SEMA6D: variants seen among roughly 807,000 people sequenced by gnomAD.
SEMA6D encodes the protein semaphorin-6D.
SEMA6D carries 35 observed loss-of-function variants against 106.6 expected under a neutral mutation model. The ratio of observed to expected loss-of-function variants is 0.33; its 90% confidence interval spans 0.25 to 0.44. SEMA6D has a LOEUF of 0.44. Among genes scored for constraint, SEMA6D ranks in the 20% least tolerant of loss-of-function variants. The pLI is 1.00. For missense variants in SEMA6D, 1,185 were observed against 1,345.9 expected, an observed-to-expected ratio of 0.88 and a Z score of 1.87; for synonymous variants, 499 against 487.7, an observed-to-expected ratio of 1.02 and a Z score of -0.31.
At chr15:47,575,303 A>G (rs1468752880) in intron 3 of SEMA6D, among the ~76,000 whole-genome samples, 2 of 152,152 alleles carry the variant, frequency 1.3e-5, no homozygotes, top group Admixed American at 6.5e-5. Context: ...TTAGGCAGGG[A>G]GGGGGTAGAA....
intron 1 of SEMA6D, among the ~76,000 whole-genome samples, chr15:47,357,553 G>A (rs1354980315): frequency 6.6e-6 from 1 of 152,146 alleles, no homozygotes; most frequent in African/African-American, 2.4e-5. Flanking sequence ...TTTGGAGTCT[G>A]ATGTTCGAGG....
At chr15:47,761,842 A>G in intron 7 of SEMA6D, 91 bp downstream of exon 7, 1 of 1,096,318 alleles carries the variant, frequency 9.1e-7, no homozygotes, top group Non-Finnish European at 1.3e-6. Context: ...AATAACTTGG[A>G]TACCCACCTT....
chr15:47,749,969 C>A (rs2081343582), intron 1 of SEMA6D, among the ~76,000 whole-genome samples: 1 of 152,012 alleles, frequency 6.6e-6, no homozygotes, highest in African/African-American at 2.4e-5. Flanking sequence ...AGATTAAATG[C>A]CTCAAGGAGA....
chr15:47,479,933 A>G (rs1015173952), intron 3 of SEMA6D, among the ~76,000 whole-genome samples: 2 of 147,950 alleles, frequency 1.4e-5, no homozygotes, highest in African/African-American at 5.1e-5. Flanking sequence ...CAGTGACGTA[A>G]TCATAGTTCA....
chr15:47,243,886 G>C (rs2033062250), intron 1 of SEMA6D, among the ~76,000 whole-genome samples: 1 of 152,062 alleles, frequency 6.6e-6, no homozygotes, highest in Non-Finnish European at 1.5e-5. Flanking sequence ...CATGTTCTAG[G>C]CTGCATTCTA....
chr15:47,258,931 C>G (rs1252300553), intron 1 of SEMA6D, among the ~76,000 whole-genome samples: 10 of 151,714 alleles, frequency 6.6e-5, no homozygotes, highest in Admixed American at 6.6e-4. Flanking sequence ...CTGTGTATTA[C>G]TTAACACTTT....
intron 4 of SEMA6D, among the ~76,000 whole-genome samples, chr15:47,683,616 T>G (rs2078406633): frequency 2.0e-5 from 3 of 152,218 alleles, no homozygotes; most frequent in African/African-American, 7.2e-5. Context: ...TGTCTGCATT[T>G]TTTTAGAAAA....
intron 3 of SEMA6D, among the ~76,000 whole-genome samples, chr15:47,499,579 A>C (rs1264276506): frequency 1.3e-5 from 2 of 152,158 alleles, no homozygotes; most frequent in African/African-American, 4.8e-5. Flanking sequence ...TGCTTTCAGA[A>C]CAGACTTAAG....
intron 4 of SEMA6D, among the ~76,000 whole-genome samples, chr15:47,684,912 AT>A (rs2078437488): frequency 6.6e-6 from 1 of 152,234 alleles, no homozygotes; most frequent in Non-Finnish European, 1.5e-5. Context: ...TCAATGCCAA[AT>A]ACCAGAGACC....
chr15:47,454,517 G>A (rs570270210), intron 2 of SEMA6D, among the ~76,000 whole-genome samples: 1 of 151,700 alleles, frequency 6.6e-6, no homozygotes, highest in Non-Finnish European at 1.5e-5. Context: ...CTTGAGATGG[G>A]CACTGGAGGT....
chr15:47,379,892 G>A (rs1445442730), intron 1 of SEMA6D, among the ~76,000 whole-genome samples: 1 of 152,028 alleles, frequency 6.6e-6, no homozygotes, highest in Non-Finnish European at 1.5e-5. Context: ...CAAGTAGCTG[G>A]GACTACAGGC....
intron 1 of SEMA6D, among the ~76,000 whole-genome samples, chr15:47,303,791 C>T (rs2036115655): frequency 6.6e-6 from 1 of 152,110 alleles, no homozygotes; most frequent in Admixed American, 6.6e-5. Context: ...TTGATCATGG[C>T]ACTATTTCTT....
intron 17 of SEMA6D, 107 bp from the exon 18 acceptor site, chr15:47,768,474 C>A: frequency 1.0e-6 from 1 of 983,454 alleles, no homozygotes; most frequent in Non-Finnish European, 1.4e-6. Context: ...AATCCTAGAG[C>A]AAACTTTCTC....
At chr15:47,520,283 G>A (rs2141919687) in intron 3 of SEMA6D, among the ~76,000 whole-genome samples, 1 of 152,346 alleles carries the variant, frequency 6.6e-6, no homozygotes, top group East Asian at 1.9e-4. Flanking sequence ...AATCGTAATT[G>A]TAAAGGAGTG....
chr15:47,246,523 C>A (rs976989460), intron 1 of SEMA6D, among the ~76,000 whole-genome samples: 3 of 152,186 alleles, frequency 2.0e-5, no homozygotes, highest in Non-Finnish European at 4.4e-5. Flanking sequence ...AGGGGAGAAT[C>A]CATTTCCTTG....
rs1566882617 is a variant in SEMA6D, at chr15:47,552,835, T to TATATATAAATATATATAAATAC, written c.-86-48009_-86-48008insCATATATAAATATATATAAATA. Reference sequence around the variant, plus strand: ...ATATATAAATATATATATTTTTATATATATATAAATATATATAAATATATA... The same window carrying TATATATAAATATATATAAATAC: ...ATATATAAATATATATATTTTTATATATATATAAATATATATAAATACATATATAAATATATATAAATATATA... On this transcript the variant is annotated intron_variant, in intron 3 of 19. Transcript: ENST00000558014. Among the ~76,000 whole-genome samples, 145 of 82,490 alleles carry TATATATAAATATATATAAATAC rather than the reference T, an allele frequency of 1.8e-3. 9 individuals are homozygous for TATATATAAATATATATAAATAC. Among genetic ancestry groups the TATATATAAATATATATAAATAC allele is most frequent in the African/African-American group, 0.011 (141 of 13,002 alleles). The allele number at this position is 82,490 out of a possible 152,430, so 54.1% of individuals were successfully genotyped here.
intron 1 of SEMA6D, among the ~76,000 whole-genome samples, chr15:47,392,720 A>G (rs1214497564): frequency 2.0e-5 from 3 of 152,192 alleles, no homozygotes; most frequent in African/African-American, 7.2e-5. Context: ...GGTTTTGGCC[A>G]CTAACTTTGT....
At chr15:47,602,616 C>T (rs1283757516) in intron 4 of SEMA6D, among the ~76,000 whole-genome samples, 2 of 151,890 alleles carry the variant, frequency 1.3e-5, no homozygotes, top group African/African-American at 4.8e-5. Context: ...CTTCAGGCCA[C>T]ACAACATCAT....
chr15:47,701,401 A>C (rs1433171153), intron 4 of SEMA6D, among the ~76,000 whole-genome samples: 1 of 152,130 alleles, frequency 6.6e-6, no homozygotes, highest in Non-Finnish European at 1.5e-5. Flanking sequence ...AAGGATACAA[A>C]ATTTCAGTTA....
Sources: gnomAD v4.1 joint callset for allele counts (sites outside exome capture counted in the v4.1 genomes callset) on GRCh38, gnomAD v4.1.1 for gene constraint, MANE v1.5 for transcripts, NCBI Gene and HGNC (gene_info 2026-07-23, HGNC 2026-07-21) for gene names.